LEPR: variants seen among roughly 807,000 people sequenced by gnomAD.
LEPR encodes OB receptor.
Under a neutral mutation model 114.7 loss-of-function variants are expected in LEPR, and 56 were observed. The ratio of observed to expected loss-of-function variants is 0.49; its 90% CI spans 0.39 to 0.61. The LOEUF is 0.61. LEPR is among the 20% of genes least tolerant of loss of function. The pLI, the probability that LEPR is intolerant of heterozygous loss-of-function variation, is 0.00. For synonymous variants in LEPR, 443 were observed against 461.4 expected, an observed-to-expected ratio of 0.96 and a Z score of 0.51; for missense variants, 1,202 against 1,352.9, an observed-to-expected ratio of 0.89 and a Z score of 1.75.
At chr1:65,475,059 GA>G (rs11335638) in intron 2 of LEPR, among the ~76,000 whole-genome samples, 56,838 of 128,314 alleles carry the variant, frequency 0.44, 13,375 homozygotes, top group Middle Eastern at 0.59. Context: ...TTTGAAAGGT[GA>G]AAAAAAAAAA....
chr1:65,445,396 G>A (rs1475057249), intron 2 of LEPR, among the ~76,000 whole-genome samples: 1 of 152,238 alleles, frequency 6.6e-6, no homozygotes, highest in Non-Finnish European at 1.5e-5. Context: ...TATACTGCAT[G>A]TGGGGCAAAG....
At chr1:65,550,666 C>T (rs373163717) in intron 2 of LEPR, among the ~76,000 whole-genome samples, 2 of 152,272 alleles carry the variant, frequency 1.3e-5, no homozygotes, top group South Asian at 2.1e-4. Context: ...CTAAGCCTGT[C>T]GGAAAAGCTC....
intron 2 of LEPR, among the ~76,000 whole-genome samples, chr1:65,462,226 C>T (rs556104123): frequency 4.7e-4 from 72 of 152,304 alleles, no homozygotes; most frequent in Non-Finnish European, 8.7e-4. Flanking sequence ...TCAACTCCCA[C>T]CTATGAGTGA....
At chr1:65,465,087 T>C (rs1191498469) in intron 2 of LEPR, among the ~76,000 whole-genome samples, 2 of 152,230 alleles carry the variant, frequency 1.3e-5, no homozygotes, top group Non-Finnish European at 2.9e-5. Flanking sequence ...TGTTTGCTCT[T>C]GCTTCTCTAC....
intron 2 of LEPR, chr1:65,436,072 T>G: frequency 1.0e-6 from 1 of 984,878 alleles, no homozygotes; most frequent in Non-Finnish European, 1.2e-6. Flanking sequence ...ACGTTACATT[T>G]GGAAAGGAGA....
At chr1:65,608,233 CTTTT>C (rs1281303028) in intron 11 of LEPR, among the ~76,000 whole-genome samples, 1 of 134,066 alleles carries the variant, frequency 7.5e-6, no homozygotes, top group Non-Finnish European at 1.6e-5. Context: ...AGCATGGTAT[CTTTT>C]TTTTTTTTTT....
chr1:65,546,379 A>T (rs1489644564), intron 2 of LEPR, among the ~76,000 whole-genome samples: 1 of 152,170 alleles, frequency 6.6e-6, no homozygotes, highest in African/African-American at 2.4e-5. Flanking sequence ...ATGGCATTGA[A>T]TCTATAAATT....
At chr1:65,609,800 T>C (rs1016596975) in intron 12 of LEPR, 147 bp from the exon 13 acceptor site, 5 of 1,124,152 alleles carry the variant, frequency 4.4e-6, no homozygotes, top group South Asian at 4.0e-5. Flanking sequence ...CCAAGCCTAA[T>C]TGTGACTATT....
chr1:65,549,387 A>G (rs1652087017), intron 2 of LEPR, among the ~76,000 whole-genome samples: 1 of 151,978 alleles, frequency 6.6e-6, no homozygotes, highest in Non-Finnish European at 1.5e-5. Flanking sequence ...TCTCCTGGAT[A>G]ATATCCTGCA....
intron 2 of LEPR, among the ~76,000 whole-genome samples, chr1:65,426,084 C>T (rs191486467): frequency 7.2e-5 from 11 of 152,104 alleles, no homozygotes; most frequent in South Asian, 4.2e-4. Context: ...AGATGAAGAG[C>T]ACAGAAGCTG....
intron 2 of LEPR, among the ~76,000 whole-genome samples, chr1:65,485,026 A>G (rs548285753): frequency 6.6e-6 from 1 of 152,228 alleles, no homozygotes; most frequent in South Asian, 2.1e-4. Flanking sequence ...GAAGCCGGAT[A>G]GTAAAGATGC....
In LEPR at chr1:65,592,921, G is replaced by T. The variant is rs558344595; in HGVS notation, c.703+56G>T. 208 of 1,582,134 alleles carry T rather than the reference G, an allele frequency of 1.3e-4. 2 individuals carry two copies. The South Asian group carries it at 2.2e-3, about 17-fold the overall frequency. On this transcript the variant is annotated intron_variant, in intron 6 of 19. Transcript: ENST00000349533. ...GTCTAAACATCAGTCATATATAAAG[G>T]TTAAAAATTGCTTACAAAAATATTT... is the stretch of plus-strand genomic sequence containing the variant.
At chr1:65,432,497 C>A in intron 2 of LEPR, 1 of 613,016 alleles carries the variant, frequency 1.6e-6, no homozygotes, top group East Asian at 1.4e-4. Context: ...GTAAACATCA[C>A]ACCCAACTTC....
At chr1:65,618,212 T>A in intron 16 of LEPR, 66 bp downstream of exon 16, 14 of 1,410,758 alleles carry the variant, frequency 9.9e-6, no homozygotes, top group East Asian at 2.3e-5. Flanking sequence ...TTATTAATTC[T>A]ATTAATATAG....
At chr1:65,568,501 AGTGTGT>A (rs35333524) in intron 3 of LEPR, among the ~76,000 whole-genome samples, 6 of 148,066 alleles carry the variant, frequency 4.1e-5, no homozygotes, top group South Asian at 2.2e-4. Flanking sequence ...ATGGTGTGTG[AGTGTGT>A]GTGTGTGTGT....
intron 2 of LEPR, chr1:65,431,987 C>T (rs911768540): frequency 1.5e-4 from 230 of 1,493,998 alleles, no homozygotes; most frequent in Middle Eastern, 1.4e-3. Flanking sequence ...TGTGCACATG[C>T]GGCATTTTAC....
At chr1:65,548,098 T>A (rs1210466676) in intron 2 of LEPR, among the ~76,000 whole-genome samples, 2 of 152,176 alleles carry the variant, frequency 1.3e-5, no homozygotes, top group African/African-American at 4.8e-5. Flanking sequence ...GTTGTTCAGT[T>A]ACCATGTAGT....
At position 65,613,525 on chromosome 1, in the gene LEPR, G is replaced by A. The variant is rs368916090; in HGVS notation, c.1996-2483G>A. Among the ~76,000 whole-genome samples the A allele has an allele frequency of 8.2e-5, 8 of 97,244 alleles. 2 individuals are homozygous for A. The highest frequency in any genetic ancestry group is 3.7e-3 in the East Asian group (1 of 270). The allele number at this position is 97,244 out of a possible 152,430, so 63.8% of individuals were successfully genotyped here. ...TCCCAGCACTTTGGGAGGCCGAGGC[G>A]GGTGGATCACGAGGTCAGGAGATCG... On this transcript the variant is annotated intron_variant, in intron 14 of 19. Transcript: ENST00000349533.
At chr1:65,433,430 G>A in intron 2 of LEPR, 3 of 985,328 alleles carry the variant, frequency 3.0e-6, no homozygotes, top group Non-Finnish European at 3.6e-6. Context: ...AAGATCTATT[G>A]AGAAAGGGAA....
Sources: allele counts gnomAD v4.1 joint callset (sites outside exome capture counted in the v4.1 genomes callset), GRCh38; gene constraint gnomAD v4.1.1; transcripts MANE v1.5; gene names NCBI Gene and HGNC (gene_info 2026-07-23, HGNC 2026-07-21).